PHF11: variants seen among roughly 807,000 people sequenced by gnomAD.
The protein encoded by PHF11 is BRCA1 C-terminus-associated protein.
PHF11 carries 38 observed loss-of-function variants against 40.5 expected under a neutral mutation model. The ratio of observed to expected loss-of-function variants is 0.94; its 90% confidence interval spans 0.72 to 1.23. PHF11 has a LOEUF of 1.23. Among genes scored for constraint, PHF11 ranks in the 50% most tolerant of loss-of-function variants. The pLI is 0.00. For missense variants in PHF11, 369 were observed against 392.4 expected, an observed-to-expected ratio of 0.94 and a Z score of 0.50; for synonymous variants, 127 against 138.2, an observed-to-expected ratio of 0.92 and a Z score of 0.57.
At chr13:49,510,905 G>T (rs1344614938) in intron 2 of PHF11, among the ~76,000 whole-genome samples, 1 of 152,190 alleles carries the variant, frequency 6.6e-6, no homozygotes, top group African/African-American at 2.4e-5. Flanking sequence ...TTTGAGACAT[G>T]TTGAGACCCA....
At chr13:49,504,126 A>G (rs748079584) in intron 1 of PHF11, among the ~76,000 whole-genome samples, 3 of 152,130 alleles carry the variant, frequency 2.0e-5, no homozygotes, top group Non-Finnish European at 4.4e-5. Context: ...GCATCGGTCT[A>G]GAGTGCACAA....
rs1959397924 is a variant in PHF11, at chr13:49,528,297, T to C, written c.842-214T>C. ...ATCTTAAGGGTTTACTGAACAGCTT[T>C]GTGTATGATAAATGTTAGAATTCTG... On this transcript the variant is annotated intron_variant, in intron 9 of 9. Transcript: ENST00000378319. Among the ~76,000 whole-genome samples the C allele has an allele frequency of 2.6e-5, 4 of 152,172 alleles. No homozygotes were observed. In the South Asian group the frequency reaches 8.3e-4, roughly 31 times the overall value.
rs1192629735 is a variant in PHF11, at chr13:49,496,018, C to T, written c.17C>T (p.Pro6Leu). Residue 6 changes from proline to leucine, a missense_variant, in exon 1 of 10, where the codon CCG (proline) becomes CTG (leucine). Transcript: ENST00000378319. The stretch of plus-strand genomic sequence containing the variant: ...AGCACAGTCATGGCCCAGGCGTCGC[C>T]GCCCCGGCCCGAGAGGGTGCTCGGC... The part of the protein sequence containing the change: MAQAS[P>L]PRPERVLGAS... 6.8e-7 allele frequency: 1 copy of T among 1,477,304 alleles called. No homozygotes were observed. The highest frequency in any genetic ancestry group is 8.9e-7 in the Non-Finnish European group (1 of 1,121,832). The allele number at this position is 1,477,304 out of a possible 1,614,324, so 91.5% of individuals were successfully genotyped here.
At chr13:49,524,511 G>A (rs1959216129) in intron 8 of PHF11, among the ~76,000 whole-genome samples, 1 of 143,822 alleles carries the variant, frequency 7.0e-6, no homozygotes, top group Non-Finnish European at 1.5e-5. Flanking sequence ...TTTCGCCCTT[G>A]TTGCCCAGGC....
intron 1 of PHF11, among the ~76,000 whole-genome samples, chr13:49,502,659 C>T (rs1486501580): frequency 2.0e-5 from 3 of 152,198 alleles, no homozygotes; most frequent in South Asian, 4.1e-4. Flanking sequence ...CTCTGCATTT[C>T]GTGTTCTTTC....
chr13:49,522,761 T>A (rs956506269), intron 6 of PHF11, among the ~76,000 whole-genome samples: 1 of 31,480 alleles, frequency 3.2e-5, no homozygotes, highest in African/African-American at 9.0e-5. Flanking sequence ...AATATGGGGT[T>A]TTTTTGTTTT....
chr13:49,518,782 T>C (rs1959173216), intron 4 of PHF11: 2 of 151,970 alleles, frequency 1.3e-5, no homozygotes, highest in South Asian at 4.2e-4. Flanking sequence ...ATGGGGACTA[T>C]ATATTCTAAA....
Position 49,523,247 on chromosome 13 carries a change from C to T in PHF11, c.637+6C>T, listed in dbSNP as rs547797568. ...AGAGCATGGCAGACACACAGGTTTG[C>T]GCTAAGTGTTGTCTGTAACAAATAT... On this transcript the variant is annotated splice_donor_region_variant and intron_variant, in intron 7 of 9. Transcript: ENST00000378319. The T allele has an allele frequency of 1.3e-4, 205 of 1,594,682 alleles. 2 individuals are homozygous for T. The highest frequency in any genetic ancestry group is 1.0e-3 in the East Asian group (45 of 44,792).
intron 4 of PHF11, chr13:49,518,928 C>G (rs868778932): frequency 6.6e-6 from 1 of 151,068 alleles, no homozygotes; most frequent in African/African-American, 2.4e-5. Flanking sequence ...CTCCGCCTCC[C>G]GGGTTCACGC....
intron 4 of PHF11, 81 bp from the exon 5 acceptor site, chr13:49,520,813 T>G: frequency 9.8e-7 from 1 of 1,023,730 alleles, no homozygotes; most frequent in Non-Finnish European, 1.4e-6. Flanking sequence ...GGTTGGTACG[T>G]TTTTAATCAC....
intron 1 of PHF11, among the ~76,000 whole-genome samples, chr13:49,505,405 A>C (rs1438209497): frequency 6.6e-6 from 1 of 152,166 alleles, no homozygotes. Flanking sequence ...TGAAAGACCT[A>C]ACTTAAAGAG....
intron 6 of PHF11, among the ~76,000 whole-genome samples, chr13:49,522,963 C>T (rs551432072): frequency 6.6e-6 from 1 of 151,990 alleles, no homozygotes; most frequent in African/African-American, 2.4e-5. Flanking sequence ...CAAGGTTTCA[C>T]CCTGTTGTCC....
rs562698439 is a variant in PHF11 at position 49,504,476 on chromosome 13, C to T, written c.95-2159C>T. 5.8e-4 allele frequency among the ~76,000 whole-genome samples: 86 copies of T among 148,388 alleles called. 2 individuals carry two copies. Among genetic ancestry groups the T allele is most frequent in the African/African-American group, 2.0e-3 (80 of 40,780 alleles). The stretch of plus-strand genomic sequence containing the variant: ...GTCTAAAAAAAAAGATACTCCCCAG[C>T]CCCCCGCCCGGCCAGCCGCCCCGTC... On this transcript the variant is annotated intron_variant, in intron 1 of 9. Coordinates refer to ENST00000378319, the MANE Select transcript of PHF11 (RefSeq NM_001040443.3).
chr13:49,498,440 T>G (rs1424831410), intron 1 of PHF11, among the ~76,000 whole-genome samples: 1 of 130,910 alleles, frequency 7.6e-6, no homozygotes, highest in African/African-American at 3.8e-5. Context: ...GACAGTAACC[T>G]AGTACATTTC....
intron 1 of PHF11, among the ~76,000 whole-genome samples, chr13:49,501,315 ACTGGCTTTTTTTAAGC>A: frequency 6.6e-6 from 1 of 151,950 alleles, no homozygotes; most frequent in East Asian, 1.9e-4. Context: ...GCCCAGCCCC[ACTGGCTTTTTTTAAGC>A]CTGTACTTTA....
At chr13:49,501,433 A>T (rs1441427985) in intron 1 of PHF11, among the ~76,000 whole-genome samples, 1 of 152,114 alleles carries the variant, frequency 6.6e-6, no homozygotes, top group Non-Finnish European at 1.5e-5. Context: ...GAATATTGGG[A>T]TGTTTTTCCC....
intron 1 of PHF11, among the ~76,000 whole-genome samples, chr13:49,496,827 AC>A (rs1958818781): frequency 1.2e-5 from 1 of 84,254 alleles, no homozygotes; most frequent in Non-Finnish European, 2.3e-5. Flanking sequence ...GGCTGGGCTT[AC>A]CCTTTTTTTT....
At chr13:49,518,250 G>T in intron 4 of PHF11, 99 bp downstream of exon 4, 2 of 819,116 alleles carry the variant, frequency 2.4e-6, no homozygotes, top group Non-Finnish European at 3.7e-6. Flanking sequence ...TTATGTAAAT[G>T]GTTTTCAAAT....
At chr13:49,506,175 A>G (rs1958984697) in intron 1 of PHF11, among the ~76,000 whole-genome samples, 1 of 151,708 alleles carries the variant, frequency 6.6e-6, no homozygotes, top group South Asian at 2.1e-4. Flanking sequence ...AGGCAGAAGG[A>G]TCACTTGAGG....
Sources: allele counts gnomAD v4.1 joint callset (sites outside exome capture counted in the v4.1 genomes callset), GRCh38; gene constraint gnomAD v4.1.1; transcripts MANE v1.5; gene names NCBI Gene and HGNC (gene_info 2026-07-23, HGNC 2026-07-21).